The following YBEY variants were observed in gnomAD, a reference collection of about 807,000 sequenced individuals.
The protein encoded by YBEY is endoribonuclease YbeY.
YBEY carries 15 observed loss-of-function variants against 13.5 expected under a neutral mutation model. The ratio of observed to expected loss-of-function variants is 1.11; its 90% confidence interval spans 0.75 to 1.72. The LOEUF (loss-of-function observed/expected upper bound fraction) is 1.72. YBEY is among the 40% of genes most tolerant of loss of function. The pLI, the probability that YBEY is intolerant of heterozygous loss-of-function variation, is 0.00. For missense variants in YBEY, 244 were observed against 208.4 expected, an observed-to-expected ratio of 1.17 and a Z score of -1.05; for synonymous variants, 101 against 83.1, an observed-to-expected ratio of 1.21 and a Z score of -1.17.
At chr21:46,304,585 C>T in the YBEY span, among the ~76,000 whole-genome samples, 1 of 152,080 alleles carries the variant, frequency 6.6e-6, no homozygotes, top group East Asian at 1.9e-4. Flanking sequence ...ATAAGATGCC[C>T]ACCACGCTGG....
the YBEY span, among the ~76,000 whole-genome samples, chr21:46,304,872 A>T: frequency 5.3e-5 from 8 of 152,358 alleles, no homozygotes; most frequent in South Asian, 1.7e-3. Flanking sequence ...TATCCATACA[A>T]TGGACTGTTA....
At chr21:46,311,508 CTG>C in the YBEY span, 1 of 1,612,598 alleles carries the variant, frequency 6.2e-7, no homozygotes, top group Non-Finnish European at 8.5e-7. Context: ...GAGGAGGAAT[CTG>C]TGCTATGAGT....
intron 3 of YBEY, 158 bp downstream of exon 3, chr21:46,291,620 G>A (rs913433778): frequency 9.0e-6 from 13 of 1,445,272 alleles, no homozygotes; most frequent in Admixed American, 2.9e-5. Flanking sequence ...CCCAGGCTGG[G>A]TAGGGACTGC....
chr21:46,296,292 C>A, intron 4 of YBEY, 62 bp downstream of exon 4: 2 of 1,586,382 alleles, frequency 1.3e-6, no homozygotes, highest in Non-Finnish European at 1.7e-6. Context: ...TCCCCCAGGC[C>A]CCTGCCAGCC....
chr21:46,310,802 ACTCT>A, the YBEY span, among the ~76,000 whole-genome samples: 18 of 149,396 alleles, frequency 1.2e-4, no homozygotes, highest in Admixed American at 2.7e-4. Context: ...AAAGTAAGAC[ACTCT>A]CTCTCTCTCT....
rs559554832 is a variant in YBEY at position 46,296,720 on chromosome 21, C to T, written c.408+490C>T. On this transcript the variant is annotated intron_variant, in intron 4 of 4. Transcript: ENST00000397701. The stretch of plus-strand genomic sequence containing the variant: ...TAAAAAAAGAAAAAGTTTGGCCGGG[C>T]GCAGTGGCTCACGCCTGTAATCCCA... Among the ~76,000 whole-genome samples, 241 of 152,318 alleles carry T rather than the reference C, an allele frequency of 1.6e-3. 1 individual carries two copies. The highest frequency in any genetic ancestry group is 3.4e-3 in the Middle Eastern group (1 of 294).
rs2081431299 is a variant in YBEY at position 46,286,417 on chromosome 21, T to C, written c.-45+2T>C. On this transcript the variant is annotated splice_donor_variant, in intron 1 of 4. Transcript: ENST00000397701. LOFTEE classifies it low-confidence loss of function (5UTR_SPLICE). ...GTCCTTTGCTGGGTCCAGACACCGG[T>C]ACGTCCGGGCGGGTTTTTAGTCTCC... is the stretch of plus-strand genomic sequence containing the variant. 1 of 156,498 alleles carries C rather than the reference T, an allele frequency of 6.4e-6. No homozygotes were observed. Among genetic ancestry groups the C allele is most frequent in the South Asian group, 1.8e-4 (1 of 5,612 alleles). 9.7% of individuals were successfully genotyped at this position (156,498 alleles called of 1,614,324 possible). A position where few individuals can be genotyped will look rare whatever the true frequency, so the allele number is the denominator to read the frequency against.
downstream of YBEY, chr21:46,302,005 T>TG (rs756888975): frequency 7.2e-6 from 11 of 1,530,168 alleles, no homozygotes; most frequent in East Asian, 2.5e-4. Flanking sequence ...ACACTCAGGG[T>TG]GGGCCAGGCG....
chr21:46,299,750 G>GCCCCCCCC (rs545785598), downstream of YBEY, among the ~76,000 whole-genome samples: 2 of 147,266 alleles, frequency 1.4e-5, no homozygotes, highest in Non-Finnish European at 3.0e-5. Flanking sequence ...TGTGCCCTGA[G>GCCCCCCCC]CCCCCCCCAC....
downstream of YBEY, chr21:46,297,844 C>G: frequency 8.9e-7 from 1 of 1,125,720 alleles, no homozygotes; most frequent in Non-Finnish European, 1.1e-6. Context: ...GCGTGGCCCC[C>G]GCCCGGGAGC....
At chr21:46,295,572 G>T (rs2081924031) in intron 3 of YBEY, among the ~76,000 whole-genome samples, 1 of 151,774 alleles carries the variant, frequency 6.6e-6, no homozygotes, top group South Asian at 2.1e-4. Context: ...CTCTCTCCAG[G>T]GGGACATGGC....
intron 2 of YBEY, among the ~76,000 whole-genome samples, chr21:46,289,549 G>A (rs62226483): frequency 0.38 from 57,159 of 149,986 alleles, 11,848 homozygotes; most frequent in Admixed American, 0.47. Flanking sequence ...AGGTCCAAGC[G>A]ATTCTCCTGC....
At chr21:46,289,781 A>G (rs1202808049) in intron 2 of YBEY, among the ~76,000 whole-genome samples, 1 of 152,342 alleles carries the variant, frequency 6.6e-6, no homozygotes, top group Admixed American at 6.5e-5. Context: ...GGAAAAAAAC[A>G]TAATTGTTTT....
At chr21:46,299,002 G>A (rs535960733), downstream of YBEY, among the ~76,000 whole-genome samples, 34 of 150,730 alleles carry the variant, frequency 2.3e-4, no homozygotes, top group African/African-American at 8.3e-4. Context: ...GATCACAGGT[G>A]TGAGCCACAC....
At chr21:46,290,549 C>T (rs765169045) in intron 2 of YBEY, among the ~76,000 whole-genome samples, 2 of 151,900 alleles carry the variant, frequency 1.3e-5, no homozygotes, top group African/African-American at 2.4e-5. Flanking sequence ...CACTTGTGTA[C>T]GGTTGGCTGG....
chr21:46,309,664 A>G, the YBEY span, among the ~76,000 whole-genome samples: 1 of 151,924 alleles, frequency 6.6e-6, no homozygotes, highest in African/African-American at 2.4e-5. Context: ...AGCCATACAA[A>G]AAAAGAGTAC....
In YBEY at chr21:46,290,738, A is replaced by T. The variant is rs907165562; in HGVS notation, c.211-596A>T. On this transcript the variant is annotated intron_variant, in intron 2 of 4. Coordinates refer to ENST00000397701, the MANE Select transcript of YBEY (RefSeq NM_001314025.2). The stretch of plus-strand genomic sequence containing the variant: ...AGCCTGACCCATATGATGAAACCCC[A>T]TCTCTACTAAAAAATACAAAAATTA... 4.7e-5 allele frequency among the ~76,000 whole-genome samples: 7 copies of T among 149,870 alleles called. No individual in the cohort carries two copies. In the South Asian group the frequency reaches 1.1e-3, roughly 23 times the overall value.
the YBEY span, among the ~76,000 whole-genome samples, chr21:46,303,700 ACACAC>A: frequency 5.9e-4 from 62 of 105,554 alleles, no homozygotes; most frequent in Non-Finnish European, 8.5e-4. Context: ...ACACACACAC[ACACAC>A]AAAATATATA....
chr21:46,302,548 G>T (rs764518860), downstream of YBEY: 1 of 1,612,430 alleles, frequency 6.2e-7, no homozygotes, highest in African/African-American at 1.3e-5. Context: ...GCACCTGTGC[G>T]TTCTGCAGCA....
Sources: gnomAD v4.1 joint callset for allele counts (sites outside exome capture counted in the v4.1 genomes callset) on GRCh38, gnomAD v4.1.1 for gene constraint, MANE v1.5 for transcripts, NCBI Gene and HGNC (gene_info 2026-07-23, HGNC 2026-07-21) for gene names.